Variants in PDCD6IP observed in about 807,000 individuals in gnomAD.
PDCD6IP encodes the protein programmed cell death 6-interacting protein.
PDCD6IP carries 43 observed loss-of-function variants against 103.7 expected under a neutral mutation model. That is an observed-to-expected ratio of 0.41 (90% confidence interval 0.32 to 0.53). The LOEUF (loss-of-function observed/expected upper bound fraction) is 0.53. Ranked by LOEUF, PDCD6IP falls within the 20% of genes least tolerant of loss-of-function variation. PDCD6IP has a pLI of 0.16. For missense variants in PDCD6IP, 871 were observed against 1,036.7 expected, an observed-to-expected ratio of 0.84 and a Z score of 2.20; for synonymous variants, 354 against 378.7, an observed-to-expected ratio of 0.93 and a Z score of 0.76.
At position 33,805,934 on chromosome 3, in the gene PDCD6IP, A is replaced by T. The variant is rs367754561; in HGVS notation, c.210-6138A>T. ...TAATTTTTTTGTGTTTTTAGTAGAG[A>T]CGGGGTTTCACCGTGTTAGCCAGGA... On this transcript the variant is annotated intron_variant, in intron 1 of 17. Coordinates refer to ENST00000307296, the MANE Select transcript of PDCD6IP (RefSeq NM_013374.6). 5.3e-5 allele frequency among the ~76,000 whole-genome samples: 8 copies of T among 151,478 alleles called. No individual in the cohort carries two copies. In the East Asian group the frequency reaches 5.9e-4, roughly 11 times the overall value.
At position 33,833,516 on chromosome 3, in the gene PDCD6IP, A is replaced by G. The variant is rs1575923627; in HGVS notation, c.835-2528A>G. ...GTCTCAGTCTTGCTTTCTTAAATAA[A>G]TTTGTATTTTTCTTTACTTTTGTGA... On this transcript the variant is annotated intron_variant, in intron 7 of 17. Coordinates refer to ENST00000307296, the MANE Select transcript of PDCD6IP (RefSeq NM_013374.6). Among the ~76,000 whole-genome samples, 3 of 152,016 alleles carry G rather than the reference A, an allele frequency of 2.0e-5. No homozygotes were observed. In the South Asian group the frequency reaches 6.2e-4, roughly 32 times the overall value.
chr3:33,856,581 A>G (rs1169229309), intron 15 of PDCD6IP, among the ~76,000 whole-genome samples: 1 of 152,218 alleles, frequency 6.6e-6, no homozygotes, highest in Non-Finnish European at 1.5e-5. Flanking sequence ...ACACTTATTT[A>G]ATGATACTCA....
intron 15 of PDCD6IP, among the ~76,000 whole-genome samples, chr3:33,863,054 T>C (rs1697987188): frequency 6.6e-6 from 1 of 152,166 alleles, no homozygotes; most frequent in Non-Finnish European, 1.5e-5. Context: ...GTAGTATATT[T>C]TGTTTTTTTC....
intron 3 of PDCD6IP, among the ~76,000 whole-genome samples, chr3:33,818,282 A>AT (rs1696904023): frequency 6.7e-6 from 1 of 149,518 alleles, no homozygotes; most frequent in Admixed American, 6.7e-5. Flanking sequence ...GAATTTTTGT[A>AT]TTTTTAGTAG....
chr3:33,810,504 T>C (rs780336868), intron 1 of PDCD6IP, among the ~76,000 whole-genome samples: 3 of 152,222 alleles, frequency 2.0e-5, no homozygotes, highest in Non-Finnish European at 4.4e-5. Context: ...CTCATTTTAA[T>C]GCAAAAGATT....
rs1246491037 is a variant in PDCD6IP at position 33,829,076 on chromosome 3, CT to C, written c.834+108del. 5.4e-6 allele frequency: 4 copies of C among 735,574 alleles called. No homozygotes were observed. The South Asian group carries it at 9.1e-5, about 17-fold the overall frequency. 45.6% of individuals were successfully genotyped at this position (735,574 alleles called of 1,614,324 possible). A position where few individuals can be genotyped will look rare whatever the true frequency, so the allele number is the denominator to read the frequency against. ...TAAAAACCTTTCCCGTTCATCACCC[CT>C]ATCAGCAGGGACAAGTGATTGTTTT... On this transcript the variant is annotated intron_variant, in intron 7 of 17. Coordinates refer to ENST00000307296, the MANE Select transcript of PDCD6IP (RefSeq NM_013374.6).
chr3:33,837,252 T>C (rs537599265), intron 8 of PDCD6IP, among the ~76,000 whole-genome samples: 1 of 152,296 alleles, frequency 6.6e-6, no homozygotes, highest in South Asian at 2.1e-4. Flanking sequence ...TCTGGAGTGG[T>C]ATTTGTATGA....
At chr3:33,858,256 G>A (rs930490101) in intron 15 of PDCD6IP, among the ~76,000 whole-genome samples, 4 of 152,148 alleles carry the variant, frequency 2.6e-5, no homozygotes, top group Admixed American at 2.6e-4. Flanking sequence ...TCAAAAAGAA[G>A]GCTTGAGCAA....
At chr3:33,855,384 CTAGA>C in intron 15 of PDCD6IP, 124 bp downstream of exon 15, 1 of 596,776 alleles carries the variant, frequency 1.7e-6, no homozygotes, top group Non-Finnish European at 3.0e-6. Context: ...GAAGAAGGAA[CTAGA>C]TAGAGTATTT....
At chr3:33,816,236 G>C (rs1446316499) in intron 3 of PDCD6IP, among the ~76,000 whole-genome samples, 1 of 152,170 alleles carries the variant, frequency 6.6e-6, no homozygotes, top group Non-Finnish European at 1.5e-5. Context: ...GCCGGGTGCG[G>C]TGGCTCACGC....
Position 33,868,923 on chromosome 3 carries a change from C to T in PDCD6IP, c.*2398C>T, listed in dbSNP as rs1448903526. Reference sequence around the variant, plus strand: ...TTGATCTAAGAGAACTCTCCCTGTGCCCCTTGGTCTTTATTCTCAATTAAG... The same window carrying T: ...TTGATCTAAGAGAACTCTCCCTGTGTCCCTTGGTCTTTATTCTCAATTAAG... On this transcript the variant is annotated 3_prime_UTR_variant, in exon 18 of 18. Coordinates refer to ENST00000307296, the MANE Select transcript of PDCD6IP (RefSeq NM_013374.6). 6.6e-6 allele frequency: 1 copy of T among 152,172 alleles called. No homozygotes were observed. Among genetic ancestry groups the T allele is most frequent in the Non-Finnish European group, 1.5e-5 (1 of 68,034 alleles). The allele number at this position is 152,172 out of a possible 1,614,324, so 9.4% of individuals were successfully genotyped here.
chr3:33,852,456 T>TTTTTTA (rs397738273), intron 12 of PDCD6IP, 32 bp from the exon 13 acceptor site: 1 of 1,315,458 alleles, frequency 7.6e-7, no homozygotes, highest in African/African-American at 1.6e-5. Flanking sequence ...TTTTTTTTTT[T>TTTTTTA]GCAGTTAAAC....
chr3:33,824,315 T>A (rs1697062893), intron 4 of PDCD6IP, among the ~76,000 whole-genome samples: 1 of 151,138 alleles, frequency 6.6e-6, no homozygotes, highest in Non-Finnish European at 1.5e-5. Context: ...AGGAGTACAA[T>A]GGCGTGATCT....
chr3:33,840,975 C>T (rs566874867), intron 9 of PDCD6IP, among the ~76,000 whole-genome samples: 5 of 151,416 alleles, frequency 3.3e-5, no homozygotes, highest in African/African-American at 7.3e-5. Flanking sequence ...AACTGTAAGC[C>T]GACGATACCT....
In PDCD6IP at chr3:33,798,706, G is replaced by C. The variant is rs1158282392; in HGVS notation, c.-23G>C. ...AAGCTGTCCGCGGTCTGTTTGGCCCGAACGGCGGCGGAGGCGCTGATCATG... is the reference window on the plus strand; with the variant it reads ...AAGCTGTCCGCGGTCTGTTTGGCCCCAACGGCGGCGGAGGCGCTGATCATG... On this transcript the variant is annotated 5_prime_UTR_variant, in exon 1 of 18. Transcript: ENST00000307296. The C allele has an allele frequency of 6.5e-7, 1 of 1,529,342 alleles. No individual in the cohort carries two copies. The highest frequency in any genetic ancestry group is 8.8e-7 in the Non-Finnish European group (1 of 1,131,830). The allele number at this position is 1,529,342 out of a possible 1,614,324, so 94.7% of individuals were successfully genotyped here.
At chr3:33,803,644 A>G (rs770568521) in intron 1 of PDCD6IP, among the ~76,000 whole-genome samples, 11 of 152,076 alleles carry the variant, frequency 7.2e-5, no homozygotes, top group Non-Finnish European at 1.5e-4. Context: ...TCATCTCATA[A>G]TCTGTAGTTA....
At chr3:33,862,268 T>C (rs1697971526) in intron 15 of PDCD6IP, among the ~76,000 whole-genome samples, 1 of 151,742 alleles carries the variant, frequency 6.6e-6, no homozygotes, top group Non-Finnish European at 1.5e-5. Context: ...GAATGTATAC[T>C]AGTTTTCTTT....
chr3:33,804,900 G>C (rs1696557377), intron 1 of PDCD6IP, among the ~76,000 whole-genome samples: 1 of 152,196 alleles, frequency 6.6e-6, no homozygotes, highest in Non-Finnish European at 1.5e-5. Context: ...CTCTGGCCCA[G>C]CTTTTCTGAT....
rs191246559 is a variant in PDCD6IP, at chr3:33,851,061, A to C, written c.1642-1427A>C. The stretch of plus-strand genomic sequence containing the variant: ...GAAACCTCGAGTCTCTGGTCTTCAC[A>C]AAGGGATGTTACTTTGGACATTCCT... On this transcript the variant is annotated intron_variant, in intron 12 of 17. Transcript: ENST00000307296. Among the ~76,000 whole-genome samples, 242 of 152,284 alleles carry C rather than the reference A, an allele frequency of 1.6e-3. 1 individual carries two copies. The highest frequency in any genetic ancestry group is 5.4e-3 in the African/African-American group (223 of 41,558).
Sources: allele counts gnomAD v4.1 joint callset (sites outside exome capture counted in the v4.1 genomes callset), GRCh38; gene constraint gnomAD v4.1.1; transcripts MANE v1.5; gene names NCBI Gene and HGNC (gene_info 2026-07-23, HGNC 2026-07-21).